The following SYT17 variants were observed in gnomAD, a reference collection of about 807,000 sequenced individuals.
SYT17 encodes the protein synaptotagmin-17.
In SYT17, 22 loss-of-function variants were observed where a neutral mutation model predicts 46.7. The ratio of observed to expected loss-of-function variants is 0.47; its 90% CI spans 0.34 to 0.67. SYT17 has a LOEUF of 0.67. Ranked by LOEUF, SYT17 falls within the 30% of genes least tolerant of loss-of-function variation. The pLI, the probability that SYT17 is intolerant of heterozygous loss-of-function variation, is 0.01. For missense variants in SYT17, 519 were observed against 612.8 expected (o/e 0.85, Z 1.62); for synonymous variants, 251 against 248.4 (o/e 1.01, Z -0.10).
At position 19,173,480 on chromosome 16, in the gene SYT17, G is replaced by C; in HGVS notation, c.84G>C (p.Arg28=). The C allele has an allele frequency of 6.2e-7, 1 of 1,610,150 alleles. No homozygotes were observed. The highest frequency in any genetic ancestry group is 2.2e-5 in the East Asian group (1 of 44,584). The part of the protein sequence containing the change: ...SGLLLCRWTC[R]HCCQKCYESS... ...TGCTGCTGTGCAGATGGACCTGCCG[G>C]CACTGCTGTCAGAAGTGCTACGAGT... Residue 28 remains arginine (R), a synonymous_variant, in exon 3 of 8, where the codon CGG becomes CGC. Transcript: ENST00000355377.
At chr16:19,208,528 T>G (rs112179249) in intron 5 of SYT17, among the ~76,000 whole-genome samples, 5,372 of 152,222 alleles carry the variant, frequency 0.035, 324 homozygotes, top group African/African-American at 0.12. Context: ...CTCACTGTTA[T>G]GAGAACAGCA....
intron 7 of SYT17, among the ~76,000 whole-genome samples, chr16:19,251,153 AT>A (rs1270343695): frequency 6.8e-6 from 1 of 146,262 alleles, no homozygotes; most frequent in Admixed American, 6.6e-5. Flanking sequence ...AACAGGTGGC[AT>A]TTCTTTCAGA....
intron 7 of SYT17, among the ~76,000 whole-genome samples, chr16:19,227,394 C>T (rs976202294): frequency 1.9e-4 from 29 of 150,746 alleles, no homozygotes; most frequent in African/African-American, 6.4e-4. Flanking sequence ...CGGCTCACTG[C>T]AAGCTCTACC....
intron 7 of SYT17, among the ~76,000 whole-genome samples, chr16:19,242,514 AT>A (rs897858263): frequency 3.3e-5 from 5 of 150,694 alleles, no homozygotes; most frequent in Admixed American, 6.6e-5. Context: ...TAGATGATAC[AT>A]TTTTTTTTAA....
At chr16:19,195,766 G>A (rs1055209466) in intron 5 of SYT17, among the ~76,000 whole-genome samples, 14 of 152,004 alleles carry the variant, frequency 9.2e-5, no homozygotes, top group Middle Eastern at 3.4e-3. Flanking sequence ...GGGGGATTAT[G>A]TGAGTCAGGA....
chr16:19,263,302 A>C (rs908688309), intron 7 of SYT17, among the ~76,000 whole-genome samples: 1 of 152,120 alleles, frequency 6.6e-6, no homozygotes, highest in Admixed American at 6.5e-5. Flanking sequence ...AGATCTGCCT[A>C]TTCTGGACAT....
chr16:19,264,252 A>T (rs1969206059), intron 7 of SYT17, among the ~76,000 whole-genome samples: 3 of 152,186 alleles, frequency 2.0e-5, no homozygotes, highest in Non-Finnish European at 4.4e-5. Context: ...GCCTGAATGG[A>T]CTAAGACATC....
At chr16:19,172,253 G>A (rs1015150555) in intron 1 of SYT17, 25 of 1,013,762 alleles carry the variant, frequency 2.5e-5, no homozygotes, top group Non-Finnish European at 2.9e-5. Context: ...TGTGGGTGGT[G>A]ATAGGAAACA....
At chr16:19,188,513 C>CAAAAAAAAAA (rs61202540) in intron 5 of SYT17, among the ~76,000 whole-genome samples, 175 of 64,556 alleles carry the variant, frequency 2.7e-3, no homozygotes, top group African/African-American at 4.9e-3. Flanking sequence ...TTCAGTTCTG[C>CAAAAAAAAAA]AAAAAAAAAA....
chr16:19,245,291 G>A (rs554036941), intron 7 of SYT17, among the ~76,000 whole-genome samples: 1 of 152,340 alleles, frequency 6.6e-6, no homozygotes, highest in African/African-American at 2.4e-5. Flanking sequence ...CTGGCATCTA[G>A]TGGGTAGTGG....
In SYT17 at chr16:19,222,395, CCA is replaced by C. The variant is rs529840732; in HGVS notation, c.952-647_952-646del. Among the ~76,000 whole-genome samples the C allele has an allele frequency of 5.7e-3, 868 of 152,074 alleles. 8 individuals are homozygous for C. Among genetic ancestry groups the C allele is most frequent in the African/African-American group, 0.019 (794 of 41,484 alleles). ...GCACTTAGGTGTTCATGGGAATTTTCCACAGTGTGACAGAGCTGACATCAAGG... is the reference window on the plus strand; with the variant it reads ...GCACTTAGGTGTTCATGGGAATTTTCCAGTGTGACAGAGCTGACATCAAGG... On this transcript the variant is annotated intron_variant, in intron 5 of 7. Transcript: ENST00000355377.
At chr16:19,228,274 G>A (rs529762614) in intron 7 of SYT17, among the ~76,000 whole-genome samples, 1 of 152,232 alleles carries the variant, frequency 6.6e-6, no homozygotes, top group African/African-American at 2.4e-5. Context: ...ACTGTCAGCT[G>A]GGGCAGTGGT....
Position 19,217,529 on chromosome 16 carries a change from A to G in SYT17, c.952-5516A>G, listed in dbSNP as rs138209186. On this transcript the variant is annotated intron_variant, in intron 5 of 7. Transcript: ENST00000355377. ...TTTGAGGTTTGTCTACATTGTATCA[A>G]TGCTTCATTGTTTTTATGAATGAAT... Among the ~76,000 whole-genome samples the G allele has an allele frequency of 4.7e-3, 711 of 152,318 alleles. 1 individual carries two copies. The highest frequency in any genetic ancestry group is 8.7e-3 in the South Asian group (42 of 4,820).
intron 7 of SYT17, among the ~76,000 whole-genome samples, chr16:19,262,099 C>G (rs1969015967): frequency 6.6e-6 from 1 of 152,148 alleles, no homozygotes; most frequent in Non-Finnish European, 1.5e-5. Flanking sequence ...CACCACAGAA[C>G]TTGGAAAAAC....
rs1016423456 is a variant in SYT17 at position 19,267,152 on chromosome 16, A to G, written c.*76A>G. The stretch of plus-strand genomic sequence containing the variant: ...GGAAAAAAATGTGTCACATACTATT[A>G]CATCCACACCTGCATACACACTCGC... On this transcript the variant is annotated 3_prime_UTR_variant, in exon 8 of 8. Transcript: ENST00000355377. The G allele has an allele frequency of 3.8e-6, 5 of 1,330,544 alleles. No individual in the cohort carries two copies. In the African/African-American group the frequency reaches 7.4e-5, roughly 20 times the overall value. The allele number at this position is 1,330,544 out of a possible 1,614,324, so 82.4% of individuals were successfully genotyped here.
chr16:19,205,151 C>G (rs1308525887), intron 5 of SYT17, among the ~76,000 whole-genome samples: 1 of 152,234 alleles, frequency 6.6e-6, no homozygotes, highest in Non-Finnish European at 1.5e-5. Context: ...CAGTTCATGT[C>G]TTACTCCTGC....
intron 7 of SYT17, among the ~76,000 whole-genome samples, chr16:19,257,460 G>C (rs1968657429): frequency 6.6e-6 from 1 of 151,922 alleles, no homozygotes; most frequent in South Asian, 2.1e-4. Context: ...AAAAAAGAGA[G>C]TGCTCCAGTG....
chr16:19,250,166 C>A, intron 7 of SYT17: 2 of 1,263,248 alleles, frequency 1.6e-6, no homozygotes, highest in Non-Finnish European at 2.1e-6. Context: ...AAGAATTGTC[C>A]CATGAACACC....
rs180976373 is a variant in SYT17 at position 19,178,223 on chromosome 16, C to T, written c.183-2168C>T. Reference sequence around the variant, plus strand: ...TCAGCCTCCCGAGTAGCTGGGACTACAGGCGTCCGCCACCACGCCCGGCTA... The same window carrying T: ...TCAGCCTCCCGAGTAGCTGGGACTATAGGCGTCCGCCACCACGCCCGGCTA... On this transcript the variant is annotated intron_variant, in intron 3 of 7. Coordinates refer to ENST00000355377, the MANE Select transcript of SYT17 (RefSeq NM_016524.4). Among the ~76,000 whole-genome samples, 1,347 of 151,576 alleles carry T rather than the reference C, an allele frequency of 8.9e-3. 28 individuals are homozygous for T. The highest frequency in any genetic ancestry group is 0.031 in the African/African-American group (1,292 of 41,340).
Sources: gnomAD v4.1 joint callset for allele counts (sites outside exome capture counted in the v4.1 genomes callset) on GRCh38, gnomAD v4.1.1 for gene constraint, MANE v1.5 for transcripts, NCBI Gene and HGNC (gene_info 2026-07-23, HGNC 2026-07-21) for gene names.